Variants in FAM171A2 observed in about 807,000 individuals in gnomAD.
FAM171A2 encodes the protein family with sequence similarity 171 member A2.
A neutral mutation model predicts 34.2 loss-of-function variants in FAM171A2; 13 were observed. That is an observed-to-expected ratio of 0.38 (90% confidence interval 0.25 to 0.60). The LOEUF is 0.60. FAM171A2 is among the 20% of genes least tolerant of loss of function. FAM171A2 has a pLI of 0.62. For synonymous variants in FAM171A2, 475 were observed against 561.2 expected, an observed-to-expected ratio of 0.85 and a Z score of 2.17; for missense variants, 950 against 1,180.7, an observed-to-expected ratio of 0.80 and a Z score of 2.86.
intron 3 of FAM171A2, among the ~76,000 whole-genome samples, chr17:44,357,262 A>G (rs850738): frequency 0.49 from 73,273 of 149,866 alleles, 19,471 homozygotes; most frequent in African/African-American, 0.72. Context: ...CAGGAGAATC[A>G]CTTGAAACTG....
chr17:44,353,380 C>T lies in FAM171A2; in HGVS notation c.*353G>A, dbSNP rs184134395. On this transcript the variant is annotated 3_prime_UTR_variant, in exon 8 of 8. Coordinates refer to ENST00000293443, the MANE Select transcript of FAM171A2 (RefSeq NM_198475.3). Reference sequence around the variant, plus strand: ...CTCCCAGGGGTCCACAAAGAACGCCCCCTCCCTTCCCAGCCCTCACACTAG... The same window carrying T: ...CTCCCAGGGGTCCACAAAGAACGCCTCCTCCCTTCCCAGCCCTCACACTAG... 315 of 171,586 alleles carry T rather than the reference C, an allele frequency of 1.8e-3. 1 individual carries two copies. The highest frequency in any genetic ancestry group is 8.4e-3 in the South Asian group (55 of 6,552). 10.6% of individuals were successfully genotyped at this position (171,586 alleles called of 1,614,324 possible).
intron 1 of FAM171A2, 142 bp from the exon 2 acceptor site, chr17:44,360,274 A>G (rs891514043): frequency 3.0e-6 from 2 of 671,994 alleles, no homozygotes; most frequent in Non-Finnish European, 5.0e-6. Flanking sequence ...AAGACCCAGC[A>G]TTCACAGAGC....
At position 44,355,015 on chromosome 17, in the gene FAM171A2, G is replaced by A; in HGVS notation, c.1199C>T (p.Ser400Leu). The A allele has an allele frequency of 6.6e-7, 1 of 1,520,746 alleles. No homozygotes were observed. The highest frequency in any genetic ancestry group is 8.8e-7 in the Non-Finnish European group (1 of 1,134,520). 94.2% of individuals were successfully genotyped at this position (1,520,746 alleles called of 1,614,324 possible). Residue 400 changes from serine to leucine, a missense_variant, in exon 8 of 8, where the codon TCG becomes TTG. By Grantham distance (145) the Ser-to-Leu change is moderately radical (BLOSUM62 -2). This residue lies in a region of FAM171A2 where 752 missense variants were observed against 924.5 expected (regional missense o/e 0.81). Transcript: ENST00000293443. This position sits in a 1 kb window ranked among gnomAD's most constrained non-coding sequence, Gnocchi z 4.1. ...CAAGTCCCGGGAGCTGGAGAAGGCC[G>A]AGTGGAGGGGGCCTGGAGGCGGAGC... ...PEAPPPGPLH[S>L]AFSSSRDLAS...
In FAM171A2 at chr17:44,354,785, G is replaced by A. The variant is rs1187997788; in HGVS notation, c.1429C>T (p.Pro477Ser). The change falls in exon 8 of 8, where the codon CCG (proline) becomes TCG (serine). Residue 477 changes from proline to serine, a missense_variant. By Grantham distance (74) the Pro-to-Ser change is moderately conservative. Transcript: ENST00000293443. This position sits in a 1 kb window ranked among gnomAD's most constrained non-coding sequence, Gnocchi z 5.8. ...AGGTAGTGGTCGAAGGGCGGCGGCG[G>A]CGAGGGCGGCTCGTGCAGGAAGGCC... ...AAAFLHEPPSPPPPFDHYLGH... is the reference protein window; with the variant it reads ...AAAFLHEPPSSPPPFDHYLGH... 3.1e-6 allele frequency: 4 copies of A among 1,297,396 alleles called. No individual in the cohort carries two copies. The highest frequency in any genetic ancestry group is 3.9e-6 in the Non-Finnish European group (4 of 1,022,954). 80.4% of individuals were successfully genotyped at this position (1,297,396 alleles called of 1,614,324 possible). A position where few individuals can be genotyped will look rare whatever the true frequency, so the allele number is the denominator to read the frequency against.
intron 3 of FAM171A2, among the ~76,000 whole-genome samples, chr17:44,357,615 C>G (rs926928556): frequency 6.6e-6 from 1 of 152,016 alleles, no homozygotes; most frequent in African/African-American, 2.4e-5. Flanking sequence ...CCATTGTACT[C>G]CAGCCTGGGC....
rs1218871151 is a variant in FAM171A2 at position 44,360,154 on chromosome 17, G to A, written c.119-22C>T. Reference sequence around the variant, plus strand: ...ATCTCTGTGGGCAAGATGGGGCAAAGGGAGTGAGGACGAGGGAGGGGGAAA... The same window carrying A: ...ATCTCTGTGGGCAAGATGGGGCAAAAGGAGTGAGGACGAGGGAGGGGGAAA... On this transcript the variant is annotated intron_variant, in intron 1 of 7. Transcript: ENST00000293443. 3 of 1,542,058 alleles carry A rather than the reference G, an allele frequency of 1.9e-6. No individual in the cohort carries two copies. In the African/African-American group the frequency reaches 4.1e-5, roughly 21 times the overall value.
In FAM171A2 at chr17:44,354,363, G is replaced by T; in HGVS notation, c.1851C>A (p.Thr617=). The change falls in exon 8 of 8, where the codon ACC becomes ACA. Residue 617 remains threonine (T), a synonymous_variant. Coordinates refer to ENST00000293443, the MANE Select transcript of FAM171A2 (RefSeq NM_198475.3). This position sits in a 1 kb window ranked among gnomAD's most constrained non-coding sequence, Gnocchi z 5.8. ...GRAAPVSGSV[T]IPVLFNESTM... is the part of the protein sequence containing the mutation. Reference sequence around the variant, plus strand: ...TGGACTCGTTGAATAGCACAGGGATGGTGACTGAGCCACTGACGGGCGCCG... The same window carrying T: ...TGGACTCGTTGAATAGCACAGGGATTGTGACTGAGCCACTGACGGGCGCCG... The T allele has an allele frequency of 2.9e-6, 4 of 1,370,200 alleles. No homozygotes were observed. The highest frequency in any genetic ancestry group is 3.8e-6 in the Non-Finnish European group (4 of 1,045,248). 84.9% of individuals were successfully genotyped at this position (1,370,200 alleles called of 1,614,324 possible). A position where few individuals can be genotyped will look rare whatever the true frequency, so the allele number is the denominator to read the frequency against.
At chr17:44,361,968 G>T (rs924420124) in intron 1 of FAM171A2, among the ~76,000 whole-genome samples, 6 of 151,670 alleles carry the variant, frequency 4.0e-5, no homozygotes, top group Non-Finnish European at 8.8e-5. Flanking sequence ...TGGGGAGAGG[G>T]ATCCCGAGTC....
chr17:44,354,684 C>T lies in FAM171A2; in HGVS notation c.1530G>A (p.Pro510=), dbSNP rs1156870625. 1.5e-6 allele frequency: 2 copies of T among 1,331,120 alleles called. No homozygotes were observed. Among genetic ancestry groups the T allele is most frequent in the Non-Finnish European group, 9.6e-7 (1 of 1,039,430 alleles). 82.5% of individuals were successfully genotyped at this position (1,331,120 alleles called of 1,614,324 possible). ...LSQSVDQLAR[P]PSLGQAGQLI... ...GCTGCCCCGCCTGGCCCAGCGACGGCGGCCGCGCCAGCTGGTCCACCGACT... is the reference window on the plus strand; with the variant it reads ...GCTGCCCCGCCTGGCCCAGCGACGGTGGCCGCGCCAGCTGGTCCACCGACT... The change falls in exon 8 of 8, where the codon CCG becomes CCA. Residue 510 remains proline (P), a synonymous_variant. Coordinates refer to ENST00000293443, the MANE Select transcript of FAM171A2 (RefSeq NM_198475.3). The surrounding 1 kb of genome is among the most constrained non-coding windows in gnomAD (Gnocchi z 5.8).
Position 44,354,409 on chromosome 17 carries a change from TCGCCGCCGCCCC to T in FAM171A2, c.1793_1804del (p.Gly598_Gly601del), listed in dbSNP as rs1286550801. On this transcript the variant is annotated inframe_deletion, in exon 8 of 8. Coordinates refer to ENST00000293443, the MANE Select transcript of FAM171A2 (RefSeq NM_198475.3). The surrounding 1 kb of genome is among the most constrained non-coding windows in gnomAD (Gnocchi z 5.8). ...CGCCGCGCGCCCGGCCCCCCAGCCC[TCGCCGCCGCCCC>T]CGCCGCCCTCGCCCCCCGGGCCCGA... 2 of 1,187,116 alleles carry T rather than the reference TCGCCGCCGCCCC, an allele frequency of 1.7e-6. No individual in the cohort carries two copies. The highest frequency in any genetic ancestry group is 4.7e-5 in the Admixed American group (1 of 21,166). The allele number at this position is 1,187,116 out of a possible 1,614,324, so 73.5% of individuals were successfully genotyped here. A position where few individuals can be genotyped will look rare whatever the true frequency, so the allele number is the denominator to read the frequency against.
chr17:44,362,822 T>G (rs1256983952), intron 1 of FAM171A2, among the ~76,000 whole-genome samples: 1 of 151,070 alleles, frequency 6.6e-6, no homozygotes, highest in Non-Finnish European at 1.5e-5. Context: ...GCCTGCTGAA[T>G]GGGGGGGGAC....
chr17:44,360,584 G>A (rs1051319505), intron 1 of FAM171A2, among the ~76,000 whole-genome samples: 4 of 151,152 alleles, frequency 2.6e-5, no homozygotes, highest in African/African-American at 4.9e-5. Context: ...GTGGAGATCT[G>A]GGATCCAGAC....
intron 1 of FAM171A2, among the ~76,000 whole-genome samples, chr17:44,360,397 A>C (rs1286784118): frequency 6.6e-6 from 1 of 152,232 alleles, no homozygotes; most frequent in African/African-American, 2.4e-5. Flanking sequence ...GGCTATGCCT[A>C]TGATTGATGA....
In FAM171A2 at chr17:44,353,880, G is replaced by C. The variant is rs916215239; in HGVS notation, c.2334C>G (p.Ser778=). ...GCCGCAGCTCGCTGGCGCTGCTGCG[G>C]GAGCTGTCCCCGCGGCTGCGGCCCC... ...RGRGRSRGDS[S]RSSASELRRD... Residue 778 remains serine, a synonymous_variant, in exon 8 of 8, where the codon TCC becomes TCG. Transcript: ENST00000293443. 2.2e-6 allele frequency: 3 copies of C among 1,343,156 alleles called. No individual in the cohort carries two copies. In the African/African-American group the frequency reaches 4.6e-5, roughly 21 times the overall value. 83.2% of individuals were successfully genotyped at this position (1,343,156 alleles called of 1,614,324 possible).
chr17:44,363,185 G>A (rs1468596441), intron 1 of FAM171A2, among the ~76,000 whole-genome samples: 5 of 151,650 alleles, frequency 3.3e-5, no homozygotes, highest in Non-Finnish European at 4.4e-5. Context: ...AGCGGATGCC[G>A]GCGCCCCCAC....
rs1199455305 is a variant in FAM171A2 at position 44,354,890 on chromosome 17, T to C, written c.1324A>G (p.Lys442Glu). The C allele has an allele frequency of 1.5e-6, 2 of 1,375,260 alleles. No homozygotes were observed. The highest frequency in any genetic ancestry group is 3.1e-5 in the African/African-American group (2 of 64,622). 85.2% of individuals were successfully genotyped at this position (1,375,260 alleles called of 1,614,324 possible). ...GARGGESAGLKGARSAEGPGG... is the reference protein window; with the variant it reads ...GARGGESAGLEGARSAEGPGG... ...GGGCCCTCGGCCGAGCGAGCGCCCTTGAGCCCGGCGCTCTCGCCCCCGCGG... is the reference window on the plus strand; with the variant it reads ...GGGCCCTCGGCCGAGCGAGCGCCCTCGAGCCCGGCGCTCTCGCCCCCGCGG... Residue 442 changes from lysine (K) to glutamate (E), a missense_variant, in exon 8 of 8, where the codon AAG becomes GAG. By Grantham distance (56) the Lys-to-Glu change is moderately conservative. Transcript: ENST00000293443. The surrounding 1 kb of genome is among the most constrained non-coding windows in gnomAD (Gnocchi z 5.8).
chr17:44,359,594 G>A lies in FAM171A2; in HGVS notation c.424C>T (p.Leu142Phe). 1 of 1,551,302 alleles carries A rather than the reference G, an allele frequency of 6.4e-7. No individual in the cohort carries two copies. Among genetic ancestry groups the A allele is most frequent in the Non-Finnish European group, 8.7e-7 (1 of 1,146,928 alleles). The change falls in exon 3 of 8, where the codon CTC becomes TTC. Residue 142 changes from leucine to phenylalanine, a missense_variant. Transcript: ENST00000293443. ...GGAGCCTTACCGGGAGAGCCTAGGA[G>A]AATGTGCACCAGGTCCTCATAGAGG... ...LILYEDLVHI[L>F]LGSPGARSQP...
chr17:44,355,970 A>G lies in FAM171A2; in HGVS notation c.883T>C (p.Ser295Pro). ...CCACTACTCTTACCAGCCGTGGGGG[A>G]GGCCATGGCGGCCACCCAGTACCCC... ...QLGYWVAAMA[S>P]PTAGLVTITS... Residue 295 changes from serine to proline, a missense_variant, in exon 6 of 8, where the codon TCC becomes CCC. Physicochemically the swap from Ser to Pro is moderately conservative, Grantham distance 74 (BLOSUM62 -1). Coordinates refer to ENST00000293443, the MANE Select transcript of FAM171A2 (RefSeq NM_198475.3). This position sits in a 1 kb window ranked among gnomAD's most constrained non-coding sequence, Gnocchi z 4.1. 1 of 1,540,638 alleles carries G rather than the reference A, an allele frequency of 6.5e-7. No individual in the cohort carries two copies. Among genetic ancestry groups the G allele is most frequent in the Non-Finnish European group, 8.8e-7 (1 of 1,140,940 alleles).
Position 44,363,767 on chromosome 17 carries a change from G to T in FAM171A2, c.-53C>A. The T allele has an allele frequency of 2.3e-6, 2 of 864,282 alleles. No individual in the cohort carries two copies. Among genetic ancestry groups the T allele is most frequent in the South Asian group, 5.8e-5 (1 of 17,290 alleles). The allele number at this position is 864,282 out of a possible 1,614,324, so 53.5% of individuals were successfully genotyped here. ...CCATGGCTCCCGCCTGGTCCCGCTC[G>T]CCCGGCCCCGCGCAGCCCCAGCTCT... On this transcript the variant is annotated 5_prime_UTR_variant, in exon 1 of 8. Transcript: ENST00000293443.
Sources: gnomAD v4.1 joint callset for allele counts (sites outside exome capture counted in the v4.1 genomes callset) on GRCh38, gnomAD v4.1.1 for gene constraint, gnomAD v4.1.1 regional missense constraint, Gnocchi (gnomAD v3.1) non-coding constraint, MANE v1.5 for transcripts, NCBI Gene and HGNC (gene_info 2026-07-23, HGNC 2026-07-21) for gene names.